ADCY9: variants seen among roughly 807,000 people sequenced by gnomAD.
ADCY9 encodes the protein adenylate cyclase type 9.
A neutral mutation model predicts 101.5 loss-of-function variants in ADCY9; 50 were observed. The observed-to-expected ratio is 0.49, with a 90% CI of 0.39 to 0.62. The LOEUF (loss-of-function observed/expected upper bound fraction) is 0.62, where lower values mean the gene tolerates loss of function less well. ADCY9 is among the 20% of genes least tolerant of loss of function. The probability of loss-of-function intolerance (pLI) is 0.00; values close to 1 mark genes in which losing one functional copy is unlikely to be tolerated. For synonymous variants in ADCY9, 905 were observed against 769.3 expected, an observed-to-expected ratio of 1.18 and a Z score of -2.92; for missense variants, 1,662 against 1,800.4, an observed-to-expected ratio of 0.92 and a Z score of 1.39.
intron 2 of ADCY9, among the ~76,000 whole-genome samples, chr16:4,093,370 A>G (rs2056984757): frequency 6.6e-6 from 1 of 152,238 alleles, no homozygotes; most frequent in Admixed American, 6.5e-5. Context: ...CAGGCCTAGA[A>G]AAGAGGCTAC....
At chr16:4,024,587 A>G (rs928806019) in intron 2 of ADCY9, among the ~76,000 whole-genome samples, 2 of 152,150 alleles carry the variant, frequency 1.3e-5, no homozygotes, top group East Asian at 1.9e-4. Context: ...TAAAGCCTAC[A>G]CAGCTCTGGG....
intron 2 of ADCY9, among the ~76,000 whole-genome samples, chr16:4,049,086 G>C (rs547019303): frequency 6.6e-6 from 1 of 152,230 alleles, no homozygotes; most frequent in South Asian, 2.1e-4. Context: ...ACTACTAAGA[G>C]CAAGCGACTC....
At chr16:4,001,311 C>A (rs71388552) in intron 3 of ADCY9, among the ~76,000 whole-genome samples, 2 of 152,106 alleles carry the variant, frequency 1.3e-5, no homozygotes, top group East Asian at 1.9e-4. Flanking sequence ...GGCCCTGCTG[C>A]GTTTGAAGTC....
chr16:4,094,719 G>A (rs1243857214), intron 2 of ADCY9, among the ~76,000 whole-genome samples: 3 of 152,046 alleles, frequency 2.0e-5, no homozygotes, highest in African/African-American at 7.2e-5. Flanking sequence ...ATAATAATCA[G>A]GCACTGCAGA....
chr16:4,004,753 T>C (rs1286956399), intron 3 of ADCY9, among the ~76,000 whole-genome samples: 2 of 152,156 alleles, frequency 1.3e-5, no homozygotes, highest in African/African-American at 4.8e-5. Flanking sequence ...TGGGACAGAC[T>C]GAAGGGACTG....
At chr16:4,087,542 A>AT (rs1491119450) in intron 2 of ADCY9, among the ~76,000 whole-genome samples, 1 of 82,488 alleles carries the variant, frequency 1.2e-5, no homozygotes, top group Non-Finnish European at 2.7e-5. Context: ...TCTCAAAAAG[A>AT]TAAAAAAAAA....
intron 2 of ADCY9, among the ~76,000 whole-genome samples, chr16:4,108,663 C>T (rs574930437): frequency 1.5e-4 from 22 of 149,450 alleles, no homozygotes; most frequent in Non-Finnish European, 2.2e-4. Flanking sequence ...TGAGCCACCA[C>T]GCCCGGCCCA....
chr16:4,029,413 C>T (rs2056539461), intron 2 of ADCY9, among the ~76,000 whole-genome samples: 1 of 152,098 alleles, frequency 6.6e-6, no homozygotes. Context: ...TCACATATAA[C>T]TGACAAAGGG....
At chr16:4,059,833 G>A (rs2056763808) in intron 2 of ADCY9, among the ~76,000 whole-genome samples, 1 of 152,226 alleles carries the variant, frequency 6.6e-6, no homozygotes, top group South Asian at 2.1e-4. Context: ...GGGAGCTTGA[G>A]GTTACAGTGA....
rs949104590 is a variant in ADCY9 at position 4,115,567 on chromosome 16, G to A, written c.-43-82C>T. On this transcript the variant is annotated intron_variant, in intron 1 of 10. Coordinates refer to ENST00000294016, the MANE Select transcript of ADCY9 (RefSeq NM_001116.4). The surrounding 1 kb of genome is among the most constrained non-coding windows in gnomAD (Gnocchi z 6.2). ...GGCCCGGGACCTGCTCCTGTCCTAA[G>A]GGGCGGCTCCAGCACGCGACCTGGA... 5.6e-6 allele frequency: 7 copies of A among 1,253,632 alleles called. No individual in the cohort carries two copies. The Admixed American group carries it at 8.6e-5, about 15-fold the overall frequency. 77.7% of individuals were successfully genotyped at this position (1,253,632 alleles called of 1,614,324 possible).
chr16:3,983,472 G>T, intron 6 of ADCY9, 32 bp from the exon 7 acceptor site: 1 of 1,559,006 alleles, frequency 6.4e-7, no homozygotes, highest in East Asian at 2.3e-5. Context: ...CAGAATGACT[G>T]GGAGGCCATG....
chr16:3,996,187 C>T (rs1232222033), intron 3 of ADCY9, among the ~76,000 whole-genome samples: 4 of 152,052 alleles, frequency 2.6e-5, no homozygotes, highest in African/African-American at 9.7e-5. Flanking sequence ...ATAGGGAGAC[C>T]TTGTCTCTAC....
intron 6 of ADCY9, among the ~76,000 whole-genome samples, chr16:3,984,723 C>T (rs2056175866): frequency 6.6e-6 from 1 of 152,230 alleles, no homozygotes; most frequent in Non-Finnish European, 1.5e-5. Context: ...CAGCTGCTTT[C>T]CATTTGGCCT....
chr16:4,087,230 T>A (rs2056944621), intron 2 of ADCY9, among the ~76,000 whole-genome samples: 1 of 151,880 alleles, frequency 6.6e-6, no homozygotes, highest in Non-Finnish European at 1.5e-5. Context: ...TTCTGTAACA[T>A]CTCCTTCTTT....
intron 2 of ADCY9, among the ~76,000 whole-genome samples, chr16:4,055,482 C>G (rs1047102873): frequency 2.0e-5 from 3 of 151,008 alleles, no homozygotes; most frequent in African/African-American, 4.9e-5. Context: ...TGCAGTGAGT[C>G]AAGATCAGGC....
intron 2 of ADCY9, among the ~76,000 whole-genome samples, chr16:4,111,328 G>A (rs534918950): frequency 1.2e-4 from 18 of 152,258 alleles, no homozygotes; most frequent in Admixed American, 4.6e-4. Context: ...CTGTCGCCCA[G>A]GCTGGTGTGC....
intron 2 of ADCY9, among the ~76,000 whole-genome samples, chr16:4,012,271 A>AG (rs565845770): frequency 3.3e-5 from 5 of 152,218 alleles, no homozygotes; most frequent in Non-Finnish European, 7.3e-5. Flanking sequence ...CAGAACCAGA[A>AG]GGGTTATCAC....
At chr16:4,076,388 T>C (rs1029381842) in intron 2 of ADCY9, among the ~76,000 whole-genome samples, 11 of 152,142 alleles carry the variant, frequency 7.2e-5, no homozygotes, top group African/African-American at 2.4e-4. Flanking sequence ...AAATAAGAGA[T>C]TTAGATTTTT....
intron 2 of ADCY9, among the ~76,000 whole-genome samples, chr16:4,082,298 G>C (rs1016614132): frequency 3.3e-5 from 5 of 152,098 alleles, no homozygotes; most frequent in African/African-American, 1.2e-4. Context: ...AGGATGGCTA[G>C]AGCCCAGGAG....
Sources: allele counts gnomAD v4.1 joint callset (sites outside exome capture counted in the v4.1 genomes callset), GRCh38; gene constraint gnomAD v4.1.1; non-coding constraint Gnocchi (gnomAD v3.1); transcripts MANE v1.5; gene names NCBI Gene and HGNC (gene_info 2026-07-23, HGNC 2026-07-21).